OXSR1: variants seen among roughly 807,000 people sequenced by gnomAD.
OXSR1 encodes serine/threonine-protein kinase OSR1.
In OXSR1, 24 loss-of-function variants were observed where a neutral mutation model predicts 79.8. That is an observed-to-expected ratio of 0.30 (90% CI 0.22 to 0.42). The LOEUF is 0.42. Ranked by LOEUF, OXSR1 falls within the 10% of genes least tolerant of loss-of-function variation. The probability of loss-of-function intolerance (pLI) is 1.00; values close to 1 mark genes in which losing one functional copy is unlikely to be tolerated. For synonymous variants in OXSR1, 226 were observed against 209.2 expected (o/e 1.08, Z -0.69); for missense variants, 430 against 618.4 (o/e 0.70, Z 3.23).
chr3:38,181,479 C>T (rs911136799), intron 1 of OXSR1, among the ~76,000 whole-genome samples: 1 of 151,880 alleles, frequency 6.6e-6, no homozygotes. Context: ...CCTCAGCCTC[C>T]CGAGTAGCTG....
At chr3:38,245,465 CT>C (rs1703120788) in intron 12 of OXSR1, among the ~76,000 whole-genome samples, 1 of 152,058 alleles carries the variant, frequency 6.6e-6, no homozygotes, top group African/African-American at 2.4e-5. Flanking sequence ...GGTTGATTGT[CT>C]TTGTAAGAAA....
Position 38,255,437 on chromosome 3 carries a change from T to C in OXSR1, c.*2546T>C, listed in dbSNP as rs1028910086. ...TTTCCTCCTTTTTTTGGACTTTGTA[T>C]TTTACTGCATGTTTTCTTCATTTTT... On this transcript the variant is annotated 3_prime_UTR_variant, in exon 18 of 18. Coordinates refer to ENST00000311806, the MANE Select transcript of OXSR1 (RefSeq NM_005109.3). The C allele has an allele frequency of 1.3e-5, 2 of 152,660 alleles. No individual in the cohort carries two copies. The highest frequency in any genetic ancestry group is 1.3e-4 in the Admixed American group (2 of 15,278). The allele number at this position is 152,660 out of a possible 1,614,324, so 9.5% of individuals were successfully genotyped here.
chr3:38,244,110 A>G (rs770601822), intron 12 of OXSR1, among the ~76,000 whole-genome samples: 2 of 152,192 alleles, frequency 1.3e-5, no homozygotes, highest in Non-Finnish European at 2.9e-5. Flanking sequence ...AATTTAACCT[A>G]TGTTGACTGA....
chr3:38,232,173 C>T (rs1438195397), intron 10 of OXSR1, among the ~76,000 whole-genome samples: 1 of 151,770 alleles, frequency 6.6e-6, no homozygotes, highest in Non-Finnish European at 1.5e-5. Flanking sequence ...AATCCCAGCA[C>T]CTGTGGGAGG....
chr3:38,176,660 G>T (rs545485097), intron 1 of OXSR1, among the ~76,000 whole-genome samples: 16 of 152,198 alleles, frequency 1.1e-4, no homozygotes, highest in Non-Finnish European at 1.6e-4. Flanking sequence ...GGAAACATTA[G>T]CATCTTGTCA....
chr3:38,248,405 G>A (rs1207399824), intron 14 of OXSR1, among the ~76,000 whole-genome samples: 2 of 135,392 alleles, frequency 1.5e-5, no homozygotes, highest in Non-Finnish European at 3.1e-5. Flanking sequence ...AATCACTATG[G>A]CTGTTGTATT....
intron 12 of OXSR1, among the ~76,000 whole-genome samples, chr3:38,244,002 G>A (rs549299351): frequency 3.6e-4 from 55 of 152,286 alleles, no homozygotes; most frequent in African/African-American, 1.3e-3. Flanking sequence ...ATGATACCGA[G>A]CTTGTTAGCC....
intron 3 of OXSR1, among the ~76,000 whole-genome samples, chr3:38,192,728 A>G (rs1702006243): frequency 6.6e-6 from 1 of 152,242 alleles, no homozygotes; most frequent in Non-Finnish European, 1.5e-5. Context: ...CCAAAAGCTC[A>G]TGCCATTTGG....
At chr3:38,251,377 G>A in intron 15 of OXSR1, 26 bp from the exon 16 acceptor site, 2 of 1,601,224 alleles carry the variant, frequency 1.2e-6, no homozygotes, top group Non-Finnish European at 1.7e-6. Context: ...ACAAAAAACA[G>A]AGCACTGTCT....
At chr3:38,207,076 T>G (rs1702281132) in intron 4 of OXSR1, among the ~76,000 whole-genome samples, 1 of 152,254 alleles carries the variant, frequency 6.6e-6, no homozygotes. Context: ...AAACCTTTTC[T>G]GTAAAGGGCC....
intron 3 of OXSR1, among the ~76,000 whole-genome samples, chr3:38,192,802 A>G (rs983411693): frequency 3.6e-4 from 55 of 152,344 alleles, no homozygotes; most frequent in African/African-American, 1.3e-3. Context: ...AGGACTAGTT[A>G]GTGATGGAGC....
At chr3:38,172,653 G>T (rs1701603820) in intron 1 of OXSR1, among the ~76,000 whole-genome samples, 1 of 152,154 alleles carries the variant, frequency 6.6e-6, no homozygotes, top group African/African-American at 2.4e-5. Flanking sequence ...CTCCATAAAT[G>T]TGAAGGACTT....
intron 1 of OXSR1, among the ~76,000 whole-genome samples, chr3:38,171,613 A>G (rs534494516): frequency 3.6e-4 from 54 of 151,802 alleles, no homozygotes; most frequent in Non-Finnish European, 6.3e-4. Context: ...TACAGAGAAC[A>G]GAATCTCCTC....
At chr3:38,203,639 C>A (rs1025793771) in intron 4 of OXSR1, among the ~76,000 whole-genome samples, 2 of 152,136 alleles carry the variant, frequency 1.3e-5, no homozygotes, top group Non-Finnish European at 2.9e-5. Context: ...TCTCTGATTA[C>A]CAGGCAGAGA....
intron 17 of OXSR1, 98 bp from the exon 18 acceptor site, chr3:38,252,719 C>G (rs1189144555): frequency 1.7e-5 from 15 of 905,186 alleles, no homozygotes; most frequent in Middle Eastern, 4.3e-4. Context: ...GGACCTGTTG[C>G]CCACTGCCTA....
intron 10 of OXSR1, among the ~76,000 whole-genome samples, chr3:38,233,542 G>C (rs1398764617): frequency 6.6e-6 from 1 of 151,694 alleles, no homozygotes; most frequent in African/African-American, 2.4e-5. Flanking sequence ...AAAATAAACA[G>C]AAAAAAAGAG....
intron 1 of OXSR1, among the ~76,000 whole-genome samples, chr3:38,178,981 C>T (rs1041288043): frequency 6.7e-6 from 1 of 149,766 alleles, no homozygotes; most frequent in African/African-American, 2.5e-5. Flanking sequence ...CTCCCCACCT[C>T]AGGCTCTATA....
chr3:38,213,779 A>G (rs1374475927), intron 4 of OXSR1, among the ~76,000 whole-genome samples: 2 of 152,228 alleles, frequency 1.3e-5, no homozygotes, highest in Non-Finnish European at 2.9e-5. Flanking sequence ...AAAGGGAATC[A>G]CTTGTTGCCA....
intron 1 of OXSR1, among the ~76,000 whole-genome samples, chr3:38,174,475 G>A (rs952894081): frequency 2.6e-5 from 4 of 152,074 alleles, no homozygotes; most frequent in South Asian, 4.1e-4. Flanking sequence ...CCAGCTACTC[G>A]GGAGGTTGAG....
Sources: gnomAD v4.1 joint callset for allele counts (sites outside exome capture counted in the v4.1 genomes callset) on GRCh38, gnomAD v4.1.1 for gene constraint, MANE v1.5 for transcripts, NCBI Gene and HGNC (gene_info 2026-07-23, HGNC 2026-07-21) for gene names.